The following PARD3B variants were observed in gnomAD, a reference collection of about 807,000 sequenced individuals.
PARD3B encodes the protein par-3 family cell polarity regulator beta, also known as partitioning defective 3 homolog B.
PARD3B carries 103 observed loss-of-function variants against 130.2 expected under a neutral mutation model. The ratio of observed to expected loss-of-function variants is 0.79; its 90% confidence interval spans 0.67 to 0.93. The LOEUF is 0.93. Among genes scored for constraint, PARD3B ranks in the 40% least tolerant of loss-of-function variants. The probability of loss-of-function intolerance (pLI) is 0.00; values close to 1 mark genes in which losing one functional copy is unlikely to be tolerated. For missense variants in PARD3B, 1,609 were observed against 1,499.2 expected, an observed-to-expected ratio of 1.07 and a Z score of -1.21; for synonymous variants, 583 against 553.2, an observed-to-expected ratio of 1.05 and a Z score of -0.76.
chr2:204,687,469 A>AT (rs956196425), intron 2 of PARD3B, among the ~76,000 whole-genome samples: 21 of 152,106 alleles, frequency 1.4e-4, no homozygotes, highest in African/African-American at 4.3e-4. Context: ...GGAGATTTTT[A>AT]TTTGTGTGTT....
At chr2:205,560,181 G>C (rs2053078869) in intron 22 of PARD3B, among the ~76,000 whole-genome samples, 1 of 152,198 alleles carries the variant, frequency 6.6e-6, no homozygotes, top group South Asian at 2.1e-4. Context: ...GAAGCTCAGA[G>C]TTTAATCCAT....
chr2:205,018,749 A>AAAAAG (rs1559359658), intron 3 of PARD3B, among the ~76,000 whole-genome samples: 1 of 120,026 alleles, frequency 8.3e-6, no homozygotes, highest in Non-Finnish European at 1.8e-5. Context: ...AAAAAAAAAA[A>AAAAAG]AGCACGCTGA....
chr2:205,121,875 C>T lies in PARD3B; in HGVS notation c.1091C>T (p.Ser364Phe). ...RVPRLGGKPS[S>F]PSLSPLMGFG... is the part of the protein sequence containing the mutation. ...CCAAGGCTGGGAGGAAAACCATCCT[C>T]TCCCTCACTCTCGCCTCTCATGGGA... Residue 364 changes from serine to phenylalanine, a missense_variant, in exon 8 of 23, where the codon TCT becomes TTT. Physicochemically the swap from Ser to Phe is radical, Grantham distance 155 (BLOSUM62 -2). Transcript: ENST00000406610. The surrounding 1 kb of genome is among the most constrained non-coding windows in gnomAD (Gnocchi z 5.0). 1.9e-6 allele frequency: 3 copies of T among 1,614,056 alleles called. No individual in the cohort carries two copies. The highest frequency in any genetic ancestry group is 2.5e-6 in the Non-Finnish European group (3 of 1,179,996).
intron 2 of PARD3B, among the ~76,000 whole-genome samples, chr2:204,904,346 G>T (rs557451424): frequency 4.6e-5 from 6 of 131,282 alleles, no homozygotes; most frequent in African/African-American, 2.6e-4. Context: ...GGCCACAGAC[G>T]TACCTTGTGC....
chr2:205,100,550 G>A (rs1052299393), intron 4 of PARD3B, among the ~76,000 whole-genome samples: 1 of 151,750 alleles, frequency 6.6e-6, no homozygotes, highest in East Asian at 1.9e-4. Flanking sequence ...AAATAAGAAC[G>A]AATTTGGAAG....
chr2:205,048,336 A>G (rs1367212065), intron 4 of PARD3B: 1 of 152,236 alleles, frequency 6.6e-6, no homozygotes, highest in Non-Finnish European at 1.5e-5. Context: ...AGATATACTT[A>G]TAACTAATAG....
intron 21 of PARD3B, among the ~76,000 whole-genome samples, chr2:205,538,431 G>C (rs1178351797): frequency 1.3e-5 from 2 of 151,716 alleles, no homozygotes; most frequent in African/African-American, 4.8e-5. Context: ...ACTTCTCTAG[G>C]CATTGTTTCT....
At chr2:204,951,260 G>A (rs1330748521) in intron 2 of PARD3B, among the ~76,000 whole-genome samples, 1 of 152,144 alleles carries the variant, frequency 6.6e-6, no homozygotes, top group Non-Finnish European at 1.5e-5. Flanking sequence ...CAGAAGTTAT[G>A]TACTCAGTCC....
intron 15 of PARD3B, among the ~76,000 whole-genome samples, chr2:205,212,149 A>G (rs2037675048): frequency 1.3e-5 from 2 of 152,008 alleles, no homozygotes; most frequent in South Asian, 4.2e-4. Context: ...CACCTTATCA[A>G]AGATTGAAGA....
At chr2:205,099,609 G>A (rs1702614181) in intron 4 of PARD3B, among the ~76,000 whole-genome samples, 1 of 152,248 alleles carries the variant, frequency 6.6e-6, no homozygotes, top group South Asian at 2.1e-4. Context: ...ATGATTTTAT[G>A]TACCCTGTTA....
rs375460921 is a variant in PARD3B, at chr2:205,162,340, G to A, written c.1620+3433G>A. ...GCTGCACCACTTTTGATTACAGGCT[G>A]TTTTGTCATACGGAGCTCTTCATAG... On this transcript the variant is annotated intron_variant, in intron 11 of 22. Transcript: ENST00000406610. Among the ~76,000 whole-genome samples, 71 of 152,352 alleles carry A rather than the reference G, an allele frequency of 4.7e-4. No individual in the cohort carries two copies. The East Asian group carries it at 9.7e-3, about 21-fold the overall frequency.
chr2:205,231,552 G>C (rs73067196), intron 15 of PARD3B, among the ~76,000 whole-genome samples: 8,294 of 150,676 alleles, frequency 0.055, 759 homozygotes, highest in African/African-American at 0.19. Context: ...GCCCAGGCTG[G>C]TGTCAAACTT....
At chr2:204,828,072 C>T (rs1477222733) in intron 2 of PARD3B, among the ~76,000 whole-genome samples, 1 of 151,964 alleles carries the variant, frequency 6.6e-6, no homozygotes, top group African/African-American at 2.4e-5. Flanking sequence ...AAATGTAGTG[C>T]ATCTGAACTA....
In PARD3B at chr2:204,883,417, A is replaced by AAT. The variant is rs71408995; in HGVS notation, c.223-81721_223-81720dup. Among the ~76,000 whole-genome samples the AAT allele has an allele frequency of 2.5e-3, 269 of 105,840 alleles. 4 individuals are homozygous for AAT. Among genetic ancestry groups the AAT allele is most frequent in the East Asian group, 0.015 (65 of 4,294 alleles). 69.4% of individuals were successfully genotyped at this position (105,840 alleles called of 152,430 possible). A position where few individuals can be genotyped will look rare whatever the true frequency, so the allele number is the denominator to read the frequency against. On this transcript the variant is annotated intron_variant, in intron 2 of 22. Coordinates refer to ENST00000406610, the MANE Select transcript of PARD3B (RefSeq NM_001302769.2). Reference sequence around the variant, plus strand: ...ATGTATATATATATTATATATATATAATATATATATATATAAAATATATAT... The same window carrying AAT: ...ATGTATATATATATTATATATATATAATATATATATATATATAAAATATATAT...
chr2:205,310,602 G>A (rs1049536162), intron 18 of PARD3B, among the ~76,000 whole-genome samples: 1 of 151,646 alleles, frequency 6.6e-6, no homozygotes, highest in Non-Finnish European at 1.5e-5. Context: ...TTGTCTTTCT[G>A]TGTCTGGCTT....
rs768527488 is a variant in PARD3B, at chr2:205,615,808, G to A, written c.3613G>A (p.Val1205Ile). ...SRQKNPMTAAV is the reference protein window; with the variant it reads ...SRQKNPMTAAI ...GCAGAAGAACCCCATGACTGCAGCC[G>A]TATAGCTGAGTGCCACCGAGGCCAG... Residue 1205 changes from valine to isoleucine, a missense_variant, in exon 23 of 23, where the codon GTA (valine) becomes ATA (isoleucine). Physicochemically the swap from Val to Ile is conservative, Grantham distance 29 (BLOSUM62 3). Transcript: ENST00000406610. 1.7e-5 allele frequency: 28 copies of A among 1,610,112 alleles called. No individual in the cohort carries two copies. The highest frequency in any genetic ancestry group is 6.6e-5 in the South Asian group (6 of 90,712).
chr2:204,822,643 C>G (rs1296346655), intron 2 of PARD3B, among the ~76,000 whole-genome samples: 1 of 152,082 alleles, frequency 6.6e-6, no homozygotes, highest in Admixed American at 6.5e-5. Context: ...CCACACCACC[C>G]ATCTTTCCCT....
intron 3 of PARD3B, among the ~76,000 whole-genome samples, chr2:205,031,563 G>A (rs1697425731): frequency 6.6e-6 from 1 of 152,076 alleles, no homozygotes; most frequent in Non-Finnish European, 1.5e-5. Flanking sequence ...TGGAGTGAGT[G>A]GTAGGCCTAT....
chr2:205,455,468 C>T (rs951578240), intron 20 of PARD3B, among the ~76,000 whole-genome samples: 1 of 148,874 alleles, frequency 6.7e-6, no homozygotes, highest in Admixed American at 6.6e-5. Flanking sequence ...ATTAAGATTG[C>T]GATTCATTCC....
Sources: gnomAD v4.1 joint callset for allele counts (sites outside exome capture counted in the v4.1 genomes callset) on GRCh38, gnomAD v4.1.1 for gene constraint, Gnocchi (gnomAD v3.1) non-coding constraint, MANE v1.5 for transcripts, NCBI Gene and HGNC (gene_info 2026-07-23, HGNC 2026-07-21) for gene names.